Variants in DMD observed in about 807,000 individuals in gnomAD.
The protein encoded by DMD is dystrophin, also known as mutant dystrophin.
In DMD, 63 loss-of-function variants were observed where a neutral mutation model predicts 330.1. The ratio of observed to expected loss-of-function variants is 0.19; its 90% CI spans 0.16 to 0.24. The LOEUF (loss-of-function observed/expected upper bound fraction) is 0.24. DMD is among the 10% of genes least tolerant of loss of function. The pLI is 1.00. For synonymous variants in DMD, 1,223 were observed against 959.8 expected, an observed-to-expected ratio of 1.27 and a Z score of -5.07; for missense variants, 3,344 against 2,684.1, an observed-to-expected ratio of 1.25 and a Z score of -5.43.
intron 15 of DMD, among the ~76,000 whole-genome samples, chrX:32,570,687 G>A (rs560796795): frequency 2.7e-5 from 3 of 111,592 alleles, no homozygotes; most frequent in African/African-American, 9.7e-5. Context: ...GTAGGATACA[G>A]ATCCTGTGTT....
chrX:32,439,463 C>T (rs547477812), intron 28 of DMD, among the ~76,000 whole-genome samples: 5 of 111,406 alleles, frequency 4.5e-5, no homozygotes, highest in African/African-American at 1.6e-4. Flanking sequence ...TTACTTCTAA[C>T]AAATCTTAAT....
intron 44 of DMD, among the ~76,000 whole-genome samples, chrX:32,189,584 A>G (rs1569549723): frequency 1.9e-5 from 2 of 107,643 alleles, no homozygotes; most frequent in African/African-American, 6.8e-5. Flanking sequence ...ATTTCTCTTT[A>G]TCCTTCTCCT....
intron 27 of DMD, among the ~76,000 whole-genome samples, chrX:32,447,276 A>G (rs989623509): frequency 6.3e-5 from 7 of 110,579 alleles, no homozygotes; most frequent in African/African-American, 2.3e-4. Context: ...TATATTTTAT[A>G]TAGCACTCAC....
intron 60 of DMD, among the ~76,000 whole-genome samples, chrX:31,393,476 C>CAA (rs371796978): frequency 3.6e-4 from 10 of 27,963 alleles, no homozygotes; most frequent in Admixed American, 2.1e-3. Flanking sequence ...GACTCCATCT[C>CAA]AAAAAAAAAA....
intron 2 of DMD, among the ~76,000 whole-genome samples, chrX:32,889,221 A>T (rs1254915741): frequency 9.0e-6 from 1 of 111,412 alleles, no homozygotes; most frequent in Non-Finnish European, 1.9e-5. Flanking sequence ...CTAGCCACCC[A>T]GTACCCAGGC....
chrX:31,926,503 C>T (rs191377982), intron 47 of DMD, among the ~76,000 whole-genome samples: 403 of 109,972 alleles, frequency 3.7e-3, no homozygotes, highest in Middle Eastern at 0.014. Context: ...GGCGAACCCT[C>T]CATCTCTACT....
intron 55 of DMD, among the ~76,000 whole-genome samples, chrX:31,621,540 C>T (rs1176564127): frequency 3.6e-5 from 4 of 111,944 alleles, no homozygotes; most frequent in African/African-American, 9.7e-5. Flanking sequence ...AGCCAGCTTA[C>T]ACTTACTGAG....
intron 5 of DMD, among the ~76,000 whole-genome samples, chrX:32,819,809 T>C (rs1428610911): frequency 3.7e-5 from 4 of 106,917 alleles, no homozygotes; most frequent in African/African-American, 1.0e-4. Flanking sequence ...ATTCAAGGGC[T>C]TCTACCATTT....
In DMD at chrX:32,604,606, G is replaced by T. The variant is rs571193935; in HGVS notation, c.1483-8730C>A. 4.5e-5 allele frequency among the ~76,000 whole-genome samples: 5 copies of T among 110,358 alleles called. No individual in the cohort carries two copies. In the East Asian group the frequency reaches 1.4e-3, roughly 32 times the overall value. ...AGGCATCCAAATTGGGAAAAAGAAA[G>T]TCAAATGATTTCTCTTCACTGATGA... On this transcript the variant is annotated intron_variant, in intron 12 of 78. Coordinates refer to ENST00000357033, the MANE Select transcript of DMD (RefSeq NM_004006.3).
At chrX:33,228,284 T>A (rs2052327273) in intron 1 of DMD, among the ~76,000 whole-genome samples, 1 of 106,998 alleles carries the variant, frequency 9.3e-6, no homozygotes, top group African/African-American at 3.4e-5. Context: ...TTTAAGTGTG[T>A]GTGTGTGTGT....
At chrX:31,578,935 T>C (rs2076224374) in intron 55 of DMD, among the ~76,000 whole-genome samples, 1 of 112,386 alleles carries the variant, frequency 8.9e-6, no homozygotes, top group African/African-American at 3.2e-5. Flanking sequence ...ATAAAGGCTC[T>C]AAAACAGGGC....
At chrX:32,690,704 T>C (rs189676196) in intron 9 of DMD, among the ~76,000 whole-genome samples, 53 of 111,608 alleles carry the variant, frequency 4.7e-4, no homozygotes, top group African/African-American at 1.5e-3. Context: ...TAGGGTTAAC[T>C]GATGTTCCAC....
At position 32,252,599 on chromosome X, in the gene DMD, T is replaced by TATATAA. The variant is rs1557242667; in HGVS notation, c.6290+34929_6290+34930insTTATAT. Among the ~76,000 whole-genome samples the TATATAA allele has an allele frequency of 1.6e-3, 116 of 74,094 alleles. 1 individual carries two copies. Among genetic ancestry groups the TATATAA allele is most frequent in the Admixed American group, 3.0e-3 (14 of 4,739 alleles). 64.3% of individuals were successfully genotyped at this position (74,094 alleles called of 115,157 possible). ...ATATAGTGCCATATATATATATATA[T>TATATAA]AAACATATATAAATAAATATATAAA... is the stretch of plus-strand genomic sequence containing the variant. On this transcript the variant is annotated intron_variant, in intron 43 of 78. Coordinates refer to ENST00000357033, the MANE Select transcript of DMD (RefSeq NM_004006.3).
chrX:31,808,228 T>TA (rs971727038), intron 50 of DMD, among the ~76,000 whole-genome samples: 11 of 111,696 alleles, frequency 9.8e-5, no homozygotes, highest in African/African-American at 3.2e-4. Flanking sequence ...TGTGAGACCT[T>TA]AGAGACCCTC....
At chrX:31,466,725 G>A (rs144143882) in intron 59 of DMD, among the ~76,000 whole-genome samples, 30 of 111,652 alleles carry the variant, frequency 2.7e-4, no homozygotes, top group African/African-American at 9.1e-4. Context: ...GATGGAGACT[G>A]CATTGAATCT....
chrX:31,222,925 T>C, intron 64 of DMD, 122 bp downstream of exon 64: 1 of 607,482 alleles, frequency 1.6e-6, no homozygotes, highest in East Asian at 3.3e-5. Context: ...GAATGAATTA[T>C]ACATTGCAAC....
At chrX:33,286,235 A>G (rs1462794950) in intron 1 of DMD, among the ~76,000 whole-genome samples, 1 of 112,148 alleles carries the variant, frequency 8.9e-6, no homozygotes, top group Non-Finnish European at 1.9e-5. Context: ...TTATATATCT[A>G]GAATTTTACA....
intron 55 of DMD, among the ~76,000 whole-genome samples, chrX:31,517,166 T>C (rs192087694): frequency 1.1e-3 from 125 of 112,021 alleles, no homozygotes; most frequent in African/African-American, 3.8e-3. Context: ...GTACCTATTG[T>C]ATGTCTATAA....
At chrX:33,158,168 A>G (rs2048599150) in intron 1 of DMD, among the ~76,000 whole-genome samples, 1 of 111,929 alleles carries the variant, frequency 8.9e-6, no homozygotes, top group Admixed American at 9.5e-5. Context: ...GTCCTTCATA[A>G]TACTTGGATT....
Sources: allele counts gnomAD v4.1 joint callset (sites outside exome capture counted in the v4.1 genomes callset), GRCh38; gene constraint gnomAD v4.1.1; transcripts MANE v1.5; gene names NCBI Gene and HGNC (gene_info 2026-07-23, HGNC 2026-07-21).